The following PRELID2 variants were observed in gnomAD, a reference collection of about 807,000 sequenced individuals.
PRELID2 encodes PRELI domain containing 2.
A neutral mutation model predicts 28.4 loss-of-function variants in PRELID2; 25 were observed. The ratio of observed to expected loss-of-function variants is 0.88; its 90% confidence interval spans 0.64 to 1.23. The LOEUF is 1.23. PRELID2 is among the 50% of genes most tolerant of loss of function. The pLI is 0.00. For missense variants in PRELID2, 201 were observed against 214.4 expected (o/e 0.94, Z 0.39); for synonymous variants, 76 against 71.6 (o/e 1.06, Z -0.31).
chr5:145,297,420 C>T, the PRELID2 span, among the ~76,000 whole-genome samples: 1 of 151,708 alleles, frequency 6.6e-6, no homozygotes, highest in South Asian at 2.1e-4. Flanking sequence ...TTCAACAACA[C>T]TTCATGCTAA....
At chr5:145,333,150 C>T in the PRELID2 span, among the ~76,000 whole-genome samples, 4 of 152,146 alleles carry the variant, frequency 2.6e-5, no homozygotes, top group African/African-American at 9.7e-5. Flanking sequence ...AAACTTCATC[C>T]CAGAGGGGCA....
the PRELID2 span, among the ~76,000 whole-genome samples, chr5:145,435,155 T>A: frequency 6.6e-6 from 1 of 152,154 alleles, no homozygotes; most frequent in Admixed American, 6.6e-5. Context: ...TAGAGGAAGA[T>A]AGGCAGTATA....
chr5:145,270,612 T>A, the PRELID2 span, among the ~76,000 whole-genome samples: 96 of 152,264 alleles, frequency 6.3e-4, no homozygotes, highest in Non-Finnish European at 1.1e-3. Flanking sequence ...CTATTATGAT[T>A]AAAGCTGCTC....
chr5:145,689,839 T>G (rs1299659301), intron 1 of PRELID2, among the ~76,000 whole-genome samples: 1 of 152,094 alleles, frequency 6.6e-6, no homozygotes. Context: ...AAAGGACAAT[T>G]TATCCTCAGG....
At chr5:145,295,556 C>T in the PRELID2 span, among the ~76,000 whole-genome samples, 1 of 152,108 alleles carries the variant, frequency 6.6e-6, no homozygotes, top group Admixed American at 6.6e-5. Context: ...CACAAGGCAA[C>T]TCCACAATGT....
downstream of PRELID2, among the ~76,000 whole-genome samples, chr5:145,469,797 G>A (rs1752035106): frequency 6.6e-6 from 1 of 152,054 alleles, no homozygotes; most frequent in Non-Finnish European, 1.5e-5. Flanking sequence ...CTCTGTTATA[G>A]GGAATTAGAA....
At chr5:145,728,698 C>T in intron 1 of PRELID2, 10 of 1,558,806 alleles carry the variant, frequency 6.4e-6, no homozygotes, top group Admixed American at 1.7e-5. Flanking sequence ...TTCACTTCAG[C>T]AAGTCCAAAT....
intron 1 of PRELID2, among the ~76,000 whole-genome samples, chr5:145,548,770 G>A (rs1752808179): frequency 6.6e-6 from 1 of 152,078 alleles, no homozygotes; most frequent in Non-Finnish European, 1.5e-5. Flanking sequence ...TCTCTCCTCA[G>A]TGGGGAAGTC....
At chr5:145,664,488 A>G (rs1467841600) in intron 1 of PRELID2, among the ~76,000 whole-genome samples, 2 of 152,136 alleles carry the variant, frequency 1.3e-5, no homozygotes, top group African/African-American at 4.8e-5. Context: ...TGCAAATTGT[A>G]TATGACTCTA....
intron 1 of PRELID2, among the ~76,000 whole-genome samples, chr5:145,542,279 A>G (rs1010578134): frequency 6.6e-6 from 1 of 152,134 alleles, no homozygotes; most frequent in Non-Finnish European, 1.5e-5. Flanking sequence ...CTGGTATTAA[A>G]TGCTTCCAAT....
the PRELID2 span, among the ~76,000 whole-genome samples, chr5:145,326,851 GC>G: frequency 6.6e-6 from 1 of 152,070 alleles, no homozygotes; most frequent in Non-Finnish European, 1.5e-5. Context: ...AGAAACTGAT[GC>G]ATTAGAGTTT....
the PRELID2 span, among the ~76,000 whole-genome samples, chr5:145,241,170 A>C: frequency 6.6e-6 from 1 of 152,052 alleles, no homozygotes; most frequent in African/African-American, 2.4e-5. Flanking sequence ...GAACACAACT[A>C]AATTAATTTT....
chr5:145,628,540 T>C (rs1408056749), intron 1 of PRELID2, among the ~76,000 whole-genome samples: 1 of 152,134 alleles, frequency 6.6e-6, no homozygotes, highest in Non-Finnish European at 1.5e-5. Context: ...GCCAGCCTGG[T>C]TTTGAACTCC....
the PRELID2 span, among the ~76,000 whole-genome samples, chr5:145,451,902 T>A: frequency 6.6e-6 from 1 of 152,142 alleles, no homozygotes; most frequent in Non-Finnish European, 1.5e-5. Flanking sequence ...GCCGGGAGAA[T>A]AATGAGTGAT....
the PRELID2 span, among the ~76,000 whole-genome samples, chr5:145,377,597 T>TA: frequency 6.6e-6 from 1 of 152,212 alleles, no homozygotes; most frequent in African/African-American, 2.4e-5. Flanking sequence ...CTTGTTGTGT[T>TA]AAACCCTTTA....
Position 145,485,637 on chromosome 5 carries a change from G to C in PRELID2, n.71-12322C>G, listed in dbSNP as rs957911787. Among the ~76,000 whole-genome samples the C allele has an allele frequency of 2.6e-5, 4 of 152,162 alleles. No homozygotes were observed. In the South Asian group the frequency reaches 8.3e-4, roughly 31 times the overall value. On this transcript the variant is annotated intron_variant and non_coding_transcript_variant, in intron 1 of 2. Coordinates refer to the PRELID2 transcript ENST00000510259. ...TCTGCGTGCCTGTGCTAAAATGGCA[G>C]TCTTAACCGCTGCAACCCACCCATC... is the stretch of plus-strand genomic sequence containing the variant.
At position 145,756,543 on chromosome 5, in the gene PRELID2, T is replaced by TG. The variant is rs1026295316; in HGVS notation, c.*3992dup. Among the ~76,000 whole-genome samples the TG allele has an allele frequency of 3.9e-5, 6 of 152,240 alleles. No individual in the cohort carries two copies. The East Asian group carries it at 1.2e-3, about 29-fold the overall frequency. On this transcript the variant is annotated 3_prime_UTR_variant, in exon 7 of 7. Coordinates refer to ENST00000683046, the MANE Select transcript of PRELID2 (RefSeq NM_205846.3). ...GAATACACAAAAACACTAACACAGC[T>TG]GGGGGAGACAATGGTTTATTGATCA...
At chr5:145,251,473 T>A in the PRELID2 span, among the ~76,000 whole-genome samples, 7,352 of 151,632 alleles carry the variant, frequency 0.048, 301 homozygotes, top group African/African-American at 0.11. Context: ...CTCAGTGTAA[T>A]GATTTCTAAC....
chr5:145,779,086 G>C (rs1268441755), intron 5 of PRELID2, among the ~76,000 whole-genome samples: 1 of 152,160 alleles, frequency 6.6e-6, no homozygotes, highest in Non-Finnish European at 1.5e-5. Flanking sequence ...GTTTTTAAGA[G>C]TTTTGTTAAA....
Sources: allele counts gnomAD v4.1 joint callset (sites outside exome capture counted in the v4.1 genomes callset), GRCh38; gene constraint gnomAD v4.1.1; transcripts MANE v1.5; gene names NCBI Gene and HGNC (gene_info 2026-07-23, HGNC 2026-07-21).